Variants in OPCML observed in about 807,000 individuals in gnomAD.
The protein encoded by OPCML is opioid-binding protein/cell adhesion molecule.
Under a neutral mutation model 37.8 loss-of-function variants are expected in OPCML, and 13 were observed. The observed-to-expected ratio is 0.34, with a 90% CI of 0.22 to 0.55. The LOEUF (loss-of-function observed/expected upper bound fraction) is 0.55, where lower values mean the gene tolerates loss of function less well. OPCML is among the 20% of genes least tolerant of loss of function. The pLI is 0.91. For synonymous variants in OPCML, 176 were observed against 168.8 expected (o/e 1.04, Z -0.33); for missense variants, 341 against 435.6 (o/e 0.78, Z 1.93).
intron 1 of OPCML, among the ~76,000 whole-genome samples, chr11:133,340,706 AACT>A (rs1639584687): frequency 6.6e-6 from 1 of 151,400 alleles, no homozygotes; most frequent in East Asian, 1.9e-4. Flanking sequence ...TTCTCGGTAT[AACT>A]ACTTTAGCCC....
chr11:132,422,189 A>C (rs952706638), intron 7 of OPCML, among the ~76,000 whole-genome samples: 2 of 152,276 alleles, frequency 1.3e-5, no homozygotes, highest in African/African-American at 4.8e-5. Flanking sequence ...AAGCCCTGAT[A>C]TGCTCCACTC....
At chr11:133,471,534 G>C (rs12273543) in intron 1 of OPCML, among the ~76,000 whole-genome samples, 52,016 of 152,050 alleles carry the variant, frequency 0.34, 12,849 homozygotes, top group African/African-American at 0.7. Context: ...GAGGGGAACT[G>C]GTTGGCTGGG....
At chr11:133,370,570 G>A (rs1944652033) in intron 1 of OPCML, among the ~76,000 whole-genome samples, 1 of 148,554 alleles carries the variant, frequency 6.7e-6, no homozygotes, top group Admixed American at 6.7e-5. Context: ...AAACATTGCT[G>A]AAAAAAAAAT....
intron 2 of OPCML, among the ~76,000 whole-genome samples, chr11:132,763,675 C>A (rs114998657): frequency 9.2e-5 from 14 of 152,126 alleles, no homozygotes; most frequent in African/African-American, 3.1e-4. Flanking sequence ...AGAAAAAGAA[C>A]GCAGACAGAC....
At chr11:133,348,589 G>A (rs1565585509) in intron 1 of OPCML, among the ~76,000 whole-genome samples, 1 of 152,206 alleles carries the variant, frequency 6.6e-6, no homozygotes, top group Non-Finnish European at 1.5e-5. Flanking sequence ...ACTTCTGAAA[G>A]GCTGGGGGAC....
intron 1 of OPCML, among the ~76,000 whole-genome samples, chr11:133,379,183 C>T (rs1421069197): frequency 2.0e-5 from 3 of 152,172 alleles, no homozygotes; most frequent in African/African-American, 4.8e-5. Flanking sequence ...CATTCACAAC[C>T]GTCTGTTACA....
chr11:132,480,952 C>T (rs919983730), intron 4 of OPCML, among the ~76,000 whole-genome samples: 6 of 151,972 alleles, frequency 3.9e-5, no homozygotes, highest in African/African-American at 9.7e-5. Flanking sequence ...TAGGAAGAAA[C>T]TGCATGAAAT....
At chr11:132,688,159 G>A (rs942849467) in intron 2 of OPCML, among the ~76,000 whole-genome samples, 2 of 150,892 alleles carry the variant, frequency 1.3e-5, no homozygotes, top group East Asian at 3.9e-4. Flanking sequence ...TTTCTGTTTA[G>A]GAATCATGGT....
chr11:132,462,881 G>C (rs775491861), intron 4 of OPCML, among the ~76,000 whole-genome samples: 1 of 152,142 alleles, frequency 6.6e-6, no homozygotes, highest in Non-Finnish European at 1.5e-5. Context: ...GACATGGAGA[G>C]GGACAGGGGT....
At chr11:133,317,903 G>A (rs964980203) in intron 1 of OPCML, among the ~76,000 whole-genome samples, 1 of 152,160 alleles carries the variant, frequency 6.6e-6, no homozygotes, top group South Asian at 2.1e-4. Context: ...TTGCTGTAAC[G>A]GTAAATACTG....
At chr11:132,426,541 T>C (rs1163789286) in intron 7 of OPCML, among the ~76,000 whole-genome samples, 4 of 152,148 alleles carry the variant, frequency 2.6e-5, no homozygotes, top group African/African-American at 9.7e-5. Context: ...CAAGTGATTC[T>C]CCTGCCTCAG....
At chr11:132,958,388 C>G (rs149074804) in intron 1 of OPCML, among the ~76,000 whole-genome samples, 1 of 152,204 alleles carries the variant, frequency 6.6e-6, no homozygotes, top group Non-Finnish European at 1.5e-5. Context: ...ATTTTTATAA[C>G]ATAGAAGTAC....
chr11:133,319,641 G>A (rs1354882114), intron 1 of OPCML, among the ~76,000 whole-genome samples: 1 of 152,156 alleles, frequency 6.6e-6, no homozygotes, highest in Non-Finnish European at 1.5e-5. Context: ...GCCCTCGTCT[G>A]CCACATCTTC....
intron 2 of OPCML, chr11:132,859,391 AT>A (rs1942199511): frequency 6.6e-6 from 1 of 152,230 alleles, no homozygotes; most frequent in African/African-American, 2.4e-5. Context: ...ACTTATTTCA[AT>A]TGCCTGGACT....
intron 3 of OPCML, among the ~76,000 whole-genome samples, chr11:132,542,580 G>A (rs746902088): frequency 1.1e-4 from 17 of 152,190 alleles, no homozygotes; most frequent in African/African-American, 2.9e-4. Flanking sequence ...GGCACCTGGC[G>A]ACTTGGGAGT....
chr11:132,989,993 G>T (rs1195127097), intron 1 of OPCML, among the ~76,000 whole-genome samples: 2 of 152,248 alleles, frequency 1.3e-5, no homozygotes, highest in Middle Eastern at 3.4e-3. Context: ...TCATGCAAGG[G>T]TATGTGTGGA....
intron 4 of OPCML, among the ~76,000 whole-genome samples, chr11:132,447,462 TA>T (rs2096058384): frequency 7.1e-6 from 1 of 140,506 alleles, no homozygotes; most frequent in East Asian, 2.0e-4. Context: ...CATGCCCAGT[TA>T]ATTTTTTTTT....
intron 4 of OPCML, among the ~76,000 whole-genome samples, chr11:132,520,436 C>A (rs778420962): frequency 2.0e-5 from 3 of 152,078 alleles, no homozygotes; most frequent in Non-Finnish European, 2.9e-5. Flanking sequence ...CTGCTATAAA[C>A]CCACTTGAGA....
At chr11:132,546,920 C>T (rs921003557) in intron 3 of OPCML, among the ~76,000 whole-genome samples, 1 of 152,164 alleles carries the variant, frequency 6.6e-6, no homozygotes, top group African/African-American at 2.4e-5. Context: ...GAAAGGAAAG[C>T]CTGTGTGGCC....
Sources: gnomAD v4.1 joint callset for allele counts (sites outside exome capture counted in the v4.1 genomes callset) on GRCh38, gnomAD v4.1.1 for gene constraint, MANE v1.5 for transcripts, NCBI Gene and HGNC (gene_info 2026-07-23, HGNC 2026-07-21) for gene names.